The following TMED6 variants were observed in gnomAD, a reference collection of about 807,000 sequenced individuals.
TMED6 encodes transmembrane p24 trafficking protein 6.
In TMED6, 17 loss-of-function variants were observed where a neutral mutation model predicts 26.5. The ratio of observed to expected loss-of-function variants is 0.64; its 90% CI spans 0.44 to 0.96. The LOEUF is 0.96. Among genes scored for constraint, TMED6 ranks in the 40% least tolerant of loss-of-function variants. The pLI is 0.00. For synonymous variants in TMED6, 107 were observed against 106.2 expected, an observed-to-expected ratio of 1.01 and a Z score of -0.04; for missense variants, 309 against 296.5, an observed-to-expected ratio of 1.04 and a Z score of -0.31.
At chr16:69,348,842 T>A (rs762743646) in intron 2 of TMED6, among the ~76,000 whole-genome samples, 3 of 152,188 alleles carry the variant, frequency 2.0e-5, no homozygotes, top group Non-Finnish European at 4.4e-5. Context: ...CGCAAACTCC[T>A]GACCTCAGGT....
Position 69,349,553 on chromosome 16 carries a change from G to A in TMED6, c.312C>T (p.Gly104=). The A allele has an allele frequency of 6.2e-7, 1 of 1,613,838 alleles. No homozygotes were observed. Reference sequence around the variant, plus strand: ...TCTCTTGGGTAGAGAAGTTAATCTGGCCCCGAACACCCTGGGAGGTGTCTA... The same window carrying A: ...TCTCTTGGGTAGAGAAGTTAATCTGACCCCGAACACCCTGGGAGGTGTCTA... ...FLIDTSQGVR[G]QINFSTQETG... The change falls in exon 2 of 4, where the codon GGC becomes GGT. Residue 104 remains glycine (G), a synonymous_variant. Coordinates refer to ENST00000288025, the MANE Select transcript of TMED6 (RefSeq NM_144676.4).
At chr16:69,351,001 G>C (rs1393840676) in intron 1 of TMED6, among the ~76,000 whole-genome samples, 1 of 151,734 alleles carries the variant, frequency 6.6e-6, no homozygotes, top group Non-Finnish European at 1.5e-5. Context: ...AAAAGTACTT[G>C]ACCTTTGAAT....
At chr16:69,348,551 G>T (rs548900709) in intron 2 of TMED6, 50 of 152,542 alleles carry the variant, frequency 3.3e-4, no homozygotes, top group African/African-American at 1.2e-3. Context: ...GATTAGAAAG[G>T]TGTGGCAGTG....
chr16:69,349,597 T>C lies in TMED6; in HGVS notation c.268A>G (p.Asn90Asp). 6.2e-7 allele frequency: 1 copy of C among 1,614,080 alleles called. No homozygotes were observed. Among genetic ancestry groups the C allele is most frequent in the Non-Finnish European group, 8.5e-7 (1 of 1,179,966 alleles). ...HDRHVAATAHNPQGFLIDTSQ... is the reference protein window; with the variant it reads ...HDRHVAATAHDPQGFLIDTSQ... ...GTGTCTATGAGAAATCCCTGTGGGTTATGTGCCGTGGCAGCAACATGCCGG... is the reference window on the plus strand; with the variant it reads ...GTGTCTATGAGAAATCCCTGTGGGTCATGTGCCGTGGCAGCAACATGCCGG... Residue 90 changes from asparagine (N) to aspartate (D), a missense_variant, in exon 2 of 4, where the codon AAC (asparagine) becomes GAC (aspartate). Coordinates refer to ENST00000288025, the MANE Select transcript of TMED6 (RefSeq NM_144676.4).
intron 2 of TMED6, among the ~76,000 whole-genome samples, chr16:69,349,098 G>A (rs1384128225): frequency 6.6e-6 from 1 of 152,150 alleles, no homozygotes; most frequent in Non-Finnish European, 1.5e-5. Context: ...TGTGGAGTGT[G>A]GATATCTCAC....
rs1047045094 is a variant in TMED6 at position 69,351,589 on chromosome 16, G to A, written c.165C>T (p.Cys55=). ...AIMIPPGGTE[C]FWQFAHQTGY... is the part of the protein sequence containing the mutation. ...CAGTCTGGTGGGCAAATTGCCAAAA[G>A]CATTCCGTGCCTCCTGGAGGTATCA... The change falls in exon 1 of 4, where the codon TGC becomes TGT. Residue 55 remains cysteine, a synonymous_variant. Transcript: ENST00000288025. 3.7e-6 allele frequency: 6 copies of A among 1,613,974 alleles called. No homozygotes were observed. The highest frequency in any genetic ancestry group is 5.1e-6 in the Non-Finnish European group (6 of 1,180,042).
chr16:69,344,504 G>A (rs1478294773), intron 3 of TMED6, among the ~76,000 whole-genome samples: 1 of 152,046 alleles, frequency 6.6e-6, no homozygotes, highest in Admixed American at 6.5e-5. Context: ...CGGGTGCAGT[G>A]GCTCATACCT....
At chr16:69,345,686 A>C in intron 3 of TMED6, among the ~76,000 whole-genome samples, 1 of 146,896 alleles carries the variant, frequency 6.8e-6, no homozygotes, top group South Asian at 2.1e-4. Context: ...CTCAAAAAAA[A>C]AAAAAAAAAA....
intron 3 of TMED6, among the ~76,000 whole-genome samples, chr16:69,345,553 C>G (rs1319946571): frequency 6.6e-6 from 1 of 151,116 alleles, no homozygotes; most frequent in Non-Finnish European, 1.5e-5. Flanking sequence ...CGTGGTGGCA[C>G]GTGGCTGTAA....
intron 1 of TMED6, 102 bp from the exon 2 acceptor site, chr16:69,349,753 C>A: frequency 6.7e-7 from 1 of 1,482,194 alleles, no homozygotes; most frequent in Non-Finnish European, 9.1e-7. Flanking sequence ...ACAGCGGTCT[C>A]TGTCTGGGGT....
rs1485980278 is a variant in TMED6, at chr16:69,347,835, T to C, written c.442A>G (p.Lys148Glu). ...VFYEGPETDHKQKERKQLNDT... is the reference protein window; with the variant it reads ...VFYEGPETDHEQKERKQLNDT... ...TTCAGTTGTTTTCTTTCCTTCTGTT[T>C]GTGATCAGTCTCAGGCCCCTCATAG... is the stretch of plus-strand genomic sequence containing the variant. Residue 148 changes from lysine (K) to glutamate (E), a missense_variant, in exon 3 of 4, where the codon AAA becomes GAA. Lys to Glu is a moderately conservative substitution (Grantham distance 56, BLOSUM62 1). Coordinates refer to ENST00000288025, the MANE Select transcript of TMED6 (RefSeq NM_144676.4). The C allele has an allele frequency of 6.2e-7, 1 of 1,614,084 alleles. No individual in the cohort carries two copies. The highest frequency in any genetic ancestry group is 8.5e-7 in the Non-Finnish European group (1 of 1,180,036).
At chr16:69,346,749 C>G (rs2142680807) in intron 3 of TMED6, among the ~76,000 whole-genome samples, 1 of 152,028 alleles carries the variant, frequency 6.6e-6, no homozygotes, top group East Asian at 1.9e-4. Flanking sequence ...GAGCAAAACT[C>G]CGTCTCAAAA....
At chr16:69,344,356 T>C (rs2012646662) in intron 3 of TMED6, among the ~76,000 whole-genome samples, 1 of 152,196 alleles carries the variant, frequency 6.6e-6, no homozygotes, top group African/African-American at 2.4e-5. Context: ...ACTCTTGCCA[T>C]TGTAGTACAA....
chr16:69,348,970 C>T (rs576840216), intron 2 of TMED6, among the ~76,000 whole-genome samples: 1 of 152,332 alleles, frequency 6.6e-6, no homozygotes, highest in Non-Finnish European at 1.5e-5. Context: ...GAAGGACTGT[C>T]TGATGCCCCT....
At chr16:69,349,681 A>C in intron 1 of TMED6, 30 bp from the exon 2 acceptor site, 1 of 1,603,404 alleles carries the variant, frequency 6.2e-7, no homozygotes, top group South Asian at 1.1e-5. Context: ...AGGTAGCAGA[A>C]CCCCTGCTAC....
At chr16:69,346,199 G>A (rs947508269) in intron 3 of TMED6, among the ~76,000 whole-genome samples, 3 of 152,194 alleles carry the variant, frequency 2.0e-5, no homozygotes, top group Non-Finnish European at 2.9e-5. Flanking sequence ...AGTTTAAAAT[G>A]GTTTAGCCAC....
At chr16:69,344,727 C>G (rs573696101) in intron 3 of TMED6, among the ~76,000 whole-genome samples, 1 of 144,912 alleles carries the variant, frequency 6.9e-6, no homozygotes, top group African/African-American at 2.6e-5. Context: ...GAGCTGAGAT[C>G]GTGCCACTGT....
chr16:69,347,419 C>T (rs896055201), intron 3 of TMED6, among the ~76,000 whole-genome samples: 4 of 152,128 alleles, frequency 2.6e-5, no homozygotes, highest in Non-Finnish European at 5.9e-5. Flanking sequence ...AGTGTAGTGG[C>T]GTGATCTCGG....
chr16:69,349,765 G>A, intron 1 of TMED6, 114 bp from the exon 2 acceptor site: 1 of 1,372,260 alleles, frequency 7.3e-7, no homozygotes, highest in Non-Finnish European at 9.9e-7. Context: ...GTCTGGGGTG[G>A]GACTGCCCAA....
Sources: gnomAD v4.1 joint callset for allele counts (sites outside exome capture counted in the v4.1 genomes callset) on GRCh38, gnomAD v4.1.1 for gene constraint, MANE v1.5 for transcripts, NCBI Gene and HGNC (gene_info 2026-07-23, HGNC 2026-07-21) for gene names.